Variants in KCNA3 observed in about 807,000 individuals in gnomAD.
KCNA3 encodes RP11-284N8.3.
In KCNA3, 18 loss-of-function variants were observed where a neutral mutation model predicts 34.3. The ratio of observed to expected loss-of-function variants is 0.52; its 90% CI spans 0.36 to 0.78. The LOEUF (loss-of-function observed/expected upper bound fraction) is 0.78, where lower values mean the gene tolerates loss of function less well. Among genes scored for constraint, KCNA3 ranks in the 30% least tolerant of loss-of-function variants. KCNA3 has a pLI of 0.00. For missense variants in KCNA3, 587 were observed against 802.5 expected (o/e 0.73, Z 3.24); for synonymous variants, 324 against 351.7 (o/e 0.92, Z 0.88).
chr1:110,672,257 CTT>C (rs1281128716), downstream of KCNA3, among the ~76,000 whole-genome samples: 2 of 152,194 alleles, frequency 1.3e-5, no homozygotes, highest in African/African-American at 2.4e-5. Flanking sequence ...CCACTTTAAT[CTT>C]CTTGTGATAC....
At chr1:110,672,407 T>G (rs1467427432), downstream of KCNA3, 1 of 152,702 alleles carries the variant, frequency 6.5e-6, no homozygotes, top group African/African-American at 2.4e-5. Context: ...GTTAGTCTAA[T>G]GCTTTAGAAA....
downstream of KCNA3, among the ~76,000 whole-genome samples, chr1:110,670,940 A>G (rs1301827527): frequency 5.3e-5 from 8 of 152,198 alleles, no homozygotes; most frequent in Non-Finnish European, 2.9e-5. Context: ...GGAAGGATAG[A>G]ATAGTTATAT....
At chr1:110,668,158 A>C (rs549538619), downstream of KCNA3, among the ~76,000 whole-genome samples, 158 of 152,290 alleles carry the variant, frequency 1.0e-3, no homozygotes, top group African/African-American at 3.6e-3. Flanking sequence ...CAAAACACAA[A>C]GAAAAAGCTC....
At chr1:110,669,516 T>C (rs1266971043), downstream of KCNA3, among the ~76,000 whole-genome samples, 7 of 152,212 alleles carry the variant, frequency 4.6e-5, no homozygotes, top group Non-Finnish European at 8.8e-5. Context: ...TTCAGTATAC[T>C]GAAATGAAAT....
downstream of KCNA3, among the ~76,000 whole-genome samples, chr1:110,670,873 A>G (rs1340101529): frequency 2.0e-5 from 3 of 152,042 alleles, no homozygotes; most frequent in Non-Finnish European, 2.9e-5. Context: ...TTATAAATGT[A>G]CTCCTAACTG....
chr1:110,660,468 T>C, the KCNA3 span, among the ~76,000 whole-genome samples: 2 of 152,128 alleles, frequency 1.3e-5, no homozygotes, highest in Non-Finnish European at 2.9e-5. Context: ...TGAGAACTCT[T>C]GAAGTGAATA....
At chr1:110,669,046 G>A (rs1651788797), downstream of KCNA3, among the ~76,000 whole-genome samples, 1 of 152,168 alleles carries the variant, frequency 6.6e-6, no homozygotes, top group African/African-American at 2.4e-5. Flanking sequence ...GAGCACAGAT[G>A]CCCTTAAAGA....
At chr1:110,666,130 C>A in the KCNA3 span, among the ~76,000 whole-genome samples, 2 of 152,126 alleles carry the variant, frequency 1.3e-5, no homozygotes. Flanking sequence ...TAGATTTGAG[C>A]ATCTATGAAA....
At chr1:110,669,705 A>C (rs1239420120), downstream of KCNA3, among the ~76,000 whole-genome samples, 1 of 152,232 alleles carries the variant, frequency 6.6e-6, no homozygotes, top group East Asian at 1.9e-4. Flanking sequence ...GTGAAGTCTT[A>C]GGGAAATCAC....
At chr1:110,660,367 T>G in the KCNA3 span, among the ~76,000 whole-genome samples, 1 of 152,340 alleles carries the variant, frequency 6.6e-6, no homozygotes, top group African/African-American at 2.4e-5. Flanking sequence ...GAGTGCCTAT[T>G]GATTTTTAGA....
Position 110,673,976 on chromosome 1 carries a change from G to A in KCNA3, c.834C>T (p.Gly278=). 6.2e-7 allele frequency: 1 copy of A among 1,613,878 alleles called. No individual in the cohort carries two copies. The highest frequency in any genetic ancestry group is 8.5e-7 in the Non-Finnish European group (1 of 1,179,986). The change falls in exon 1 of 1, where the codon GGC becomes GGT. Residue 278 remains glycine (G), a synonymous_variant. Coordinates refer to ENST00000369769, the MANE Select transcript of KCNA3 (RefSeq NM_002232.5). This position sits in a 1 kb window ranked among gnomAD's most constrained non-coding sequence, Gnocchi z 8.8. ...STSQDSFEAA[G]NSTSGSRAGA... ...CTGCGCGGGACCCCGACGTGCTGTT[G>A]CCGGCTGCTTCGAATGAGTCCTGCG...
chr1:110,658,106 G>T, the KCNA3 span, among the ~76,000 whole-genome samples: 1 of 152,200 alleles, frequency 6.6e-6, no homozygotes, highest in South Asian at 2.1e-4. Context: ...ATTACCAGCA[G>T]ATTGTGAGAC....
the KCNA3 span, among the ~76,000 whole-genome samples, chr1:110,663,243 A>C: frequency 1.3e-5 from 2 of 152,252 alleles, no homozygotes; most frequent in Non-Finnish European, 2.9e-5. Context: ...CCAGAAAAAA[A>C]TAAAACTATA....
At chr1:110,665,474 G>C in the KCNA3 span, among the ~76,000 whole-genome samples, 1 of 152,280 alleles carries the variant, frequency 6.6e-6, no homozygotes, top group Non-Finnish European at 1.5e-5. Flanking sequence ...AGGTGGGGAA[G>C]AGGGCAGGAA....
At position 110,674,607 on chromosome 1, in the gene KCNA3, T is replaced by C. The variant is rs1652017677; in HGVS notation, c.203A>G (p.Asp68Gly). The C allele has an allele frequency of 1.3e-6, 2 of 1,563,410 alleles. No individual in the cohort carries two copies. Among genetic ancestry groups the C allele is most frequent in the Admixed American group, 3.7e-5 (2 of 54,062 alleles). ...GCCTTGAGGCGGGGCCCCTCCACCATCGGCCACCTCCGGCTCCAGCAGGTG... is the reference window on the plus strand; with the variant it reads ...GCCTTGAGGCGGGGCCCCTCCACCACCGGCCACCTCCGGCTCCAGCAGGTG... ...GDHLLEPEVA[D>G]GGGAPPQGGC... Residue 68 changes from aspartate to glycine, a missense_variant, in exon 1 of 1, where the codon GAT becomes GGT. Asp to Gly is a moderately conservative substitution (Grantham distance 94). This residue lies in a region of KCNA3 where 341 missense variants were observed against 355.4 expected (regional missense o/e 0.96). Transcript: ENST00000369769. This position sits in a 1 kb window ranked among gnomAD's most constrained non-coding sequence, Gnocchi z 6.4.
At chr1:110,661,973 C>T in the KCNA3 span, among the ~76,000 whole-genome samples, 2 of 151,442 alleles carry the variant, frequency 1.3e-5, no homozygotes, top group South Asian at 2.1e-4. Context: ...ATTAGCCAGG[C>T]GTGGTGGCGG....
chr1:110,669,783 C>T (rs1158240925), downstream of KCNA3, among the ~76,000 whole-genome samples: 1 of 152,120 alleles, frequency 6.6e-6, no homozygotes, highest in Non-Finnish European at 1.5e-5. Flanking sequence ...GCGGAGTTGA[C>T]AAGTGTCCAG....
chr1:110,673,223 A>G lies in KCNA3; in HGVS notation c.1587T>C (p.Tyr529=). The G allele has an allele frequency of 6.2e-7, 1 of 1,614,078 alleles. No individual in the cohort carries two copies. Among genetic ancestry groups the G allele is most frequent in the Non-Finnish European group, 8.5e-7 (1 of 1,180,012 alleles). The part of the protein sequence containing the change: ...RSNSTLSKSE[Y]MVIEEGGMNH... ...TCATACCCCCCTCTTCGATCACCATATACTCCGACTTACTCAGAGTCGAGT... is the reference window on the plus strand; with the variant it reads ...TCATACCCCCCTCTTCGATCACCATGTACTCCGACTTACTCAGAGTCGAGT... Residue 529 remains tyrosine, a synonymous_variant, in exon 1 of 1, where the codon TAT becomes TAC. Coordinates refer to ENST00000369769, the MANE Select transcript of KCNA3 (RefSeq NM_002232.5). This position sits in a 1 kb window ranked among gnomAD's most constrained non-coding sequence, Gnocchi z 8.8.
chr1:110,663,241 A>C, the KCNA3 span, among the ~76,000 whole-genome samples: 1 of 152,320 alleles, frequency 6.6e-6, no homozygotes, highest in South Asian at 2.1e-4. Context: ...AACCAGAAAA[A>C]AATAAAACTA....
Sources: allele counts gnomAD v4.1 joint callset (sites outside exome capture counted in the v4.1 genomes callset), GRCh38; gene constraint gnomAD v4.1.1; regional missense constraint gnomAD v4.1.1; non-coding constraint Gnocchi (gnomAD v3.1); transcripts MANE v1.5; gene names NCBI Gene and HGNC (gene_info 2026-07-23, HGNC 2026-07-21).